PPDPFL: variants seen among roughly 807,000 people sequenced by gnomAD.
PPDPFL encodes the protein pancreatic progenitor cell differentiation and proliferation factor-like protein.
In PPDPFL, 12 loss-of-function variants were observed where a neutral mutation model predicts 12.6. The observed-to-expected ratio is 0.95, with a 90% CI of 0.61 to 1.54. PPDPFL has a LOEUF of 1.54. PPDPFL is among the 40% of genes most tolerant of loss of function. PPDPFL has a pLI of 0.00. For synonymous variants in PPDPFL, 24 were observed against 32.7 expected (o/e 0.73, Z 0.91); for missense variants, 114 against 96.0 (o/e 1.19, Z -0.78).
chr8:49,058,453 T>G (rs1439212563), intron 1 of PPDPFL, among the ~76,000 whole-genome samples: 1 of 152,216 alleles, frequency 6.6e-6, no homozygotes, highest in Non-Finnish European at 1.5e-5. Flanking sequence ...TGTGCCATCT[T>G]GGAAACCAAA....
intron 1 of PPDPFL, among the ~76,000 whole-genome samples, chr8:49,062,516 A>G (rs1808226699): frequency 6.6e-6 from 1 of 152,186 alleles, no homozygotes; most frequent in South Asian, 2.1e-4. Flanking sequence ...ATTGGAGACA[A>G]GAGCACCAGT....
chr8:49,072,945 G>A (rs1563301570), intron 2 of PPDPFL, 60 bp downstream of exon 2: 1 of 1,409,968 alleles, frequency 7.1e-7, no homozygotes, highest in East Asian at 2.3e-5. Flanking sequence ...ATGTTTGTGG[G>A]ATATTGTTAA....
intron 1 of PPDPFL, among the ~76,000 whole-genome samples, chr8:49,062,515 A>G (rs1808226662): frequency 6.6e-6 from 1 of 152,190 alleles, no homozygotes; most frequent in Non-Finnish European, 1.5e-5. Context: ...CATTGGAGAC[A>G]AGAGCACCAG....
upstream of PPDPFL, among the ~76,000 whole-genome samples, chr8:49,071,152 A>G (rs910379572): frequency 6.6e-6 from 1 of 152,178 alleles, no homozygotes; most frequent in African/African-American, 2.4e-5. Context: ...TAATATTTGA[A>G]AGGAACCATG....
chr8:49,059,408 T>G (rs1172035739), intron 1 of PPDPFL, among the ~76,000 whole-genome samples: 3 of 152,120 alleles, frequency 2.0e-5, no homozygotes, highest in Non-Finnish European at 2.9e-5. Context: ...TCAAAATACT[T>G]ATACACATTC....
At chr8:49,074,000 C>A (rs77929422) in intron 2 of PPDPFL, 59 bp from the exon 3 acceptor site, 94 of 1,111,456 alleles carry the variant, frequency 8.5e-5, no homozygotes, top group Non-Finnish European at 1.2e-4. Flanking sequence ...ATAAATGATG[C>A]GGATTTGCTT....
intron 1 of PPDPFL, among the ~76,000 whole-genome samples, chr8:49,055,515 C>A (rs1808099323): frequency 6.6e-6 from 1 of 152,062 alleles, no homozygotes; most frequent in Non-Finnish European, 1.5e-5. Flanking sequence ...TGTACTATAC[C>A]ATCAGGTAAT....
At position 49,072,720 on chromosome 8, in the gene PPDPFL, G is replaced by A. The variant is rs559649698; in HGVS notation, c.-44-67G>A. The A allele has an allele frequency of 8.6e-5, 58 of 677,672 alleles. 1 individual carries two copies. The South Asian group carries it at 1.1e-3, about 13-fold the overall frequency. 42.0% of individuals were successfully genotyped at this position (677,672 alleles called of 1,614,324 possible). A position where few individuals can be genotyped will look rare whatever the true frequency, so the allele number is the denominator to read the frequency against. ...AATGATAATACTTTGTAACAGTCACGTGGAAAAAAGAAAAGGAAACTCCCT... is the reference window on the plus strand; with the variant it reads ...AATGATAATACTTTGTAACAGTCACATGGAAAAAAGAAAAGGAAACTCCCT... On this transcript the variant is annotated intron_variant, in intron 1 of 4. Coordinates refer to ENST00000522267, the MANE Select transcript of PPDPFL (RefSeq NM_001256597.2).
At chr8:49,072,749 A>C (rs1367227571) in intron 1 of PPDPFL, 38 bp from the exon 2 acceptor site, 11 of 969,940 alleles carry the variant, frequency 1.1e-5, no homozygotes, top group Non-Finnish European at 1.6e-5. Flanking sequence ...ACTCCCTGTT[A>C]TTCATATCAA....
intron 1 of PPDPFL, among the ~76,000 whole-genome samples, chr8:49,057,326 C>T (rs1808126800): frequency 6.6e-6 from 1 of 152,064 alleles, no homozygotes; most frequent in East Asian, 1.9e-4. Context: ...TCTTTTCCTC[C>T]TAATAAGCCA....
intron 4 of PPDPFL, 88 bp from the exon 5 acceptor site, chr8:49,075,064 C>G: frequency 6.5e-7 from 1 of 1,537,384 alleles, no homozygotes; most frequent in Admixed American, 1.9e-5. Context: ...TTTCTTGACA[C>G]TCTTTATCAA....
upstream of PPDPFL, among the ~76,000 whole-genome samples, chr8:49,069,792 G>T (rs111924029): frequency 6.6e-6 from 1 of 152,024 alleles, no homozygotes; most frequent in African/African-American, 2.4e-5. Context: ...AAAATTAGTC[G>T]GGCATGGTAG....
intron 4 of PPDPFL, chr8:49,074,762 G>A: frequency 7.0e-7 from 1 of 1,437,742 alleles, no homozygotes; most frequent in Admixed American, 2.9e-5. Context: ...AGGTTGAATT[G>A]GGAGTTTGTG....
intron 1 of PPDPFL, among the ~76,000 whole-genome samples, chr8:49,055,772 A>T (rs891550762): frequency 2.6e-5 from 4 of 152,078 alleles, no homozygotes; most frequent in Non-Finnish European, 4.4e-5. Flanking sequence ...CAAGAAAGAC[A>T]CTAGATTCAA....
chr8:49,064,661 C>A (rs1290463396), intron 1 of PPDPFL, among the ~76,000 whole-genome samples: 1 of 152,104 alleles, frequency 6.6e-6, no homozygotes, highest in Non-Finnish European at 1.5e-5. Context: ...CAAGAAAAGT[C>A]TTTAATAAAA....
intron 4 of PPDPFL, chr8:49,074,679 G>C (rs747995598): frequency 3.2e-5 from 48 of 1,494,428 alleles, no homozygotes; most frequent in Non-Finnish European, 1.2e-5. Flanking sequence ...CCATTGTCTA[G>C]TTGTTGTCTT....
chr8:49,066,713 C>G (rs1405729362), intron 1 of PPDPFL, among the ~76,000 whole-genome samples: 1 of 152,148 alleles, frequency 6.6e-6, no homozygotes, highest in African/African-American at 2.4e-5. Flanking sequence ...CAGCGGATCA[C>G]TAAACAGCCA....
At chr8:49,071,302 C>T (rs1376243607), upstream of PPDPFL, among the ~76,000 whole-genome samples, 1 of 152,180 alleles carries the variant, frequency 6.6e-6, no homozygotes, top group Non-Finnish European at 1.5e-5. Flanking sequence ...CAGCAATGGC[C>T]ACAATCACCC....
At chr8:49,065,786 T>TAAAA (rs1159845872) in intron 1 of PPDPFL, among the ~76,000 whole-genome samples, 10 of 152,316 alleles carry the variant, frequency 6.6e-5, no homozygotes, top group Admixed American at 6.5e-4. Context: ...TCTGGTGACA[T>TAAAA]CAGCCTTTGC....
Sources: allele counts gnomAD v4.1 joint callset (sites outside exome capture counted in the v4.1 genomes callset), GRCh38; gene constraint gnomAD v4.1.1; transcripts MANE v1.5; gene names NCBI Gene and HGNC (gene_info 2026-07-23, HGNC 2026-07-21).